Variants in PACSIN1 observed in about 807,000 individuals in gnomAD.
The protein encoded by PACSIN1 is protein kinase C and casein kinase substrate in neurons 1, also known as protein kinase C and casein kinase substrate in neurons protein 1.
In PACSIN1, 15 loss-of-function variants were observed where a neutral mutation model predicts 59.5. The observed-to-expected ratio is 0.25, with a 90% CI of 0.17 to 0.39. The LOEUF is 0.39. Among genes scored for constraint, PACSIN1 ranks in the 10% least tolerant of loss-of-function variants. The pLI is 1.00. For synonymous variants in PACSIN1, 210 were observed against 220.6 expected (o/e 0.95, Z 0.42); for missense variants, 420 against 580.2 (o/e 0.72, Z 2.84).
chr6:34,479,058 A>G (rs6457778), intron 1 of PACSIN1, among the ~76,000 whole-genome samples: 151,049 of 152,254 alleles, frequency 0.99, 74,936 homozygotes, highest in East Asian at 1. Flanking sequence ...TTCCCACAGC[A>G]CTCCAGCAAG....
At chr6:34,474,591 A>C (rs1766612570) in intron 1 of PACSIN1, among the ~76,000 whole-genome samples, 1 of 151,966 alleles carries the variant, frequency 6.6e-6, no homozygotes, top group African/African-American at 2.4e-5. Context: ...GGGGTTTCAG[A>C]CCAGCCTGGC....
intron 1 of PACSIN1, among the ~76,000 whole-genome samples, chr6:34,475,121 G>C (rs1766620506): frequency 6.6e-6 from 1 of 152,036 alleles, no homozygotes; most frequent in South Asian, 2.1e-4. Flanking sequence ...ACTTATCCCT[G>C]ACATTATGCT....
At position 34,529,588 on chromosome 6, in the gene PACSIN1, G is replaced by A. The variant is rs762128924; in HGVS notation, c.612+36G>A. Reference sequence around the variant, plus strand: ...GCAGGGATGGCAGTAGGGGGTCTGGGGGCCCCTTGCAGAGGGTGGTGGCTG... The same window carrying A: ...GCAGGGATGGCAGTAGGGGGTCTGGAGGCCCCTTGCAGAGGGTGGTGGCTG... On this transcript the variant is annotated intron_variant, in intron 5 of 9. Coordinates refer to ENST00000244458, the MANE Select transcript of PACSIN1 (RefSeq NM_020804.5). The surrounding 1 kb of genome is among the most constrained non-coding windows in gnomAD (Gnocchi z 6.3). The A allele has an allele frequency of 1.9e-6, 3 of 1,613,248 alleles. No individual in the cohort carries two copies. The highest frequency in any genetic ancestry group is 2.2e-5 in the South Asian group (2 of 91,048).
At chr6:34,505,925 C>G (rs1242057203) in intron 1 of PACSIN1, among the ~76,000 whole-genome samples, 1 of 152,030 alleles carries the variant, frequency 6.6e-6, no homozygotes, top group Non-Finnish European at 1.5e-5. Context: ...AGGCACCACA[C>G]CCAGCCTCCA....
chr6:34,472,654 A>T (rs923518665), intron 1 of PACSIN1, among the ~76,000 whole-genome samples: 1 of 148,128 alleles, frequency 6.8e-6, no homozygotes, highest in African/African-American at 2.7e-5. Flanking sequence ...GAGAGTTTTT[A>T]TCTGTGGTTG....
At chr6:34,507,750 G>A (rs914147742) in intron 1 of PACSIN1, among the ~76,000 whole-genome samples, 2 of 152,098 alleles carry the variant, frequency 1.3e-5, no homozygotes, top group African/African-American at 4.8e-5. Flanking sequence ...TCTCCTTCCT[G>A]TTTCTGTGGA....
At chr6:34,474,874 A>G (rs1319630144) in intron 1 of PACSIN1, among the ~76,000 whole-genome samples, 2 of 150,344 alleles carry the variant, frequency 1.3e-5, no homozygotes, top group Non-Finnish European at 2.9e-5. Flanking sequence ...ACCTTCTCTC[A>G]TACATCCTAG....
chr6:34,467,185 C>T (rs1253569372), intron 1 of PACSIN1, among the ~76,000 whole-genome samples: 1 of 152,228 alleles, frequency 6.6e-6, no homozygotes, highest in Non-Finnish European at 1.5e-5. Flanking sequence ...GCCTTTCTAT[C>T]ACAAGTCCAA....
chr6:34,472,784 G>A (rs1766590584), intron 1 of PACSIN1, among the ~76,000 whole-genome samples: 1 of 152,182 alleles, frequency 6.6e-6, no homozygotes, highest in South Asian at 2.1e-4. Flanking sequence ...GTATCAGGAG[G>A]GCTGTAGAAG....
At chr6:34,499,777 C>A (rs1001888333) in intron 1 of PACSIN1, among the ~76,000 whole-genome samples, 2 of 150,990 alleles carry the variant, frequency 1.3e-5, no homozygotes, top group Non-Finnish European at 1.5e-5. Context: ...GCCTGGGCGA[C>A]ACAGTGAAAC....
intron 1 of PACSIN1, among the ~76,000 whole-genome samples, chr6:34,483,581 G>C (rs1766752191): frequency 6.6e-6 from 1 of 151,066 alleles, no homozygotes; most frequent in Non-Finnish European, 1.5e-5. Context: ...CCCTTTACGT[G>C]GTTTCTGGCG....
At position 34,533,369 on chromosome 6, in the gene PACSIN1, T is replaced by G. The variant is rs1767637760; in HGVS notation, c.*839T>G. 1 of 152,198 alleles carries G rather than the reference T, an allele frequency of 6.6e-6. No homozygotes were observed. Among genetic ancestry groups the G allele is most frequent in the African/African-American group, 2.4e-5 (1 of 41,422 alleles). The allele number at this position is 152,198 out of a possible 1,614,324, so 9.4% of individuals were successfully genotyped here. A position where few individuals can be genotyped will look rare whatever the true frequency, so the allele number is the denominator to read the frequency against. On this transcript the variant is annotated 3_prime_UTR_variant, in exon 10 of 10. Coordinates refer to ENST00000244458, the MANE Select transcript of PACSIN1 (RefSeq NM_020804.5). ...CCCTCAGCAACTTGCAGAGGACCTG[T>G]CCCCTCTCAAAAGTCCCCTGGCCTA...
chr6:34,530,582 C>T lies in PACSIN1; in HGVS notation c.1032C>T (p.Arg344=), dbSNP rs140393341. The T allele has an allele frequency of 2.0e-4, 313 of 1,573,726 alleles. 1 individual carries two copies. In the African/African-American group the frequency reaches 2.7e-3, roughly 13 times the overall value. The stretch of plus-strand genomic sequence containing the variant: ...AGTCCACATCCCAGGCTGGGGACCG[C>T]GGCAGGTGAGTGCCTCCTGTGGAGC... The part of the protein sequence containing the change: ...AVESTSQAGD[R]GSVSSYDRGQ... Residue 344 remains arginine, a synonymous_variant, in exon 8 of 10, where the codon CGC becomes CGT. Transcript: ENST00000244458. This position sits in a 1 kb window ranked among gnomAD's most constrained non-coding sequence, Gnocchi z 4.4.
chr6:34,475,372 C>T (rs1040592828), intron 1 of PACSIN1, among the ~76,000 whole-genome samples: 5 of 152,208 alleles, frequency 3.3e-5, no homozygotes, highest in Admixed American at 6.5e-5. Context: ...TACTTCCTGT[C>T]TCAAGTCTGG....
chr6:34,506,571 G>A (rs538343123), intron 1 of PACSIN1, among the ~76,000 whole-genome samples: 42 of 152,300 alleles, frequency 2.8e-4, no homozygotes, highest in Admixed American at 6.5e-4. Context: ...ATGAGATGCC[G>A]GATCTTCTTG....
In PACSIN1 at chr6:34,531,049, G is replaced by A. The variant is rs897542732; in HGVS notation, c.1037+462G>A. Among the ~76,000 whole-genome samples, 1 of 152,134 alleles carries A rather than the reference G, an allele frequency of 6.6e-6. No individual in the cohort carries two copies. Among genetic ancestry groups the A allele is most frequent in the Non-Finnish European group, 1.5e-5 (1 of 68,036 alleles). On this transcript the variant is annotated intron_variant, in intron 8 of 9. Coordinates refer to ENST00000244458, the MANE Select transcript of PACSIN1 (RefSeq NM_020804.5). This position sits in a 1 kb window ranked among gnomAD's most constrained non-coding sequence, Gnocchi z 4.4. ...GCCACGGACTGTCTGCAGCCCCAGGGTTGGGGACCCCGGTCCAGATCACAG... is the reference window on the plus strand; with the variant it reads ...GCCACGGACTGTCTGCAGCCCCAGGATTGGGGACCCCGGTCCAGATCACAG...
rs544312210 is a variant in PACSIN1 at position 34,478,334 on chromosome 6, C to G, written c.-64+12064C>G. Among the ~76,000 whole-genome samples, 7 of 147,066 alleles carry G rather than the reference C, an allele frequency of 4.8e-5. No individual in the cohort carries two copies. The South Asian group carries it at 1.5e-3, about 32-fold the overall frequency. ...TCGGCCTCCCAAAGTGCTGGGATTA[C>G]AGGCATGAGCCACCACGCCGAGCCT... On this transcript the variant is annotated intron_variant, in intron 1 of 9. Transcript: ENST00000244458.
At chr6:34,512,890 G>T (rs1767228058) in intron 1 of PACSIN1, among the ~76,000 whole-genome samples, 1 of 152,214 alleles carries the variant, frequency 6.6e-6, no homozygotes, top group Non-Finnish European at 1.5e-5. Flanking sequence ...CTATCCACTG[G>T]CTGCCTTTGT....
intron 1 of PACSIN1, among the ~76,000 whole-genome samples, chr6:34,469,428 G>A (rs1469797017): frequency 2.0e-5 from 3 of 152,070 alleles, no homozygotes; most frequent in African/African-American, 7.2e-5. Flanking sequence ...TTGGCGGGCA[G>A]GTCAGGGTCC....
Sources: allele counts gnomAD v4.1 joint callset (sites outside exome capture counted in the v4.1 genomes callset), GRCh38; gene constraint gnomAD v4.1.1; non-coding constraint Gnocchi (gnomAD v3.1); transcripts MANE v1.5; gene names NCBI Gene and HGNC (gene_info 2026-07-23, HGNC 2026-07-21).